Variants in NT5DC3 observed in about 807,000 individuals in gnomAD.
The protein encoded by NT5DC3 is 5'-nucleotidase domain-containing protein 3.
Under a neutral mutation model 67.8 loss-of-function variants are expected in NT5DC3, and 42 were observed. That is an observed-to-expected ratio of 0.62 (90% CI 0.48 to 0.80). The LOEUF is 0.80. Ranked by LOEUF, NT5DC3 falls within the 30% of genes least tolerant of loss-of-function variation. The pLI, the probability that NT5DC3 is intolerant of heterozygous loss-of-function variation, is 0.00. For missense variants in NT5DC3, 570 were observed against 696.4 expected (o/e 0.82, Z 2.04); for synonymous variants, 237 against 255.6 (o/e 0.93, Z 0.69).
At chr12:103,779,505 A>C (rs1357355121) in intron 13 of NT5DC3, among the ~76,000 whole-genome samples, 4 of 152,126 alleles carry the variant, frequency 2.6e-5, no homozygotes, top group Non-Finnish European at 5.9e-5. Context: ...GGACAAACTA[A>C]ATGCAATACA....
chr12:103,817,880 T>C (rs919240922), intron 1 of NT5DC3, among the ~76,000 whole-genome samples: 4 of 152,198 alleles, frequency 2.6e-5, no homozygotes, highest in Admixed American at 2.6e-4. Flanking sequence ...GAATGGCACA[T>C]AATATACTCA....
chr12:103,785,602 G>T, intron 11 of NT5DC3, 127 bp from the exon 12 acceptor site: 1 of 940,154 alleles, frequency 1.1e-6, no homozygotes, highest in Non-Finnish European at 1.7e-6. Flanking sequence ...TATTCACCAA[G>T]CTGAATTCAA....
chr12:103,792,772 A>G (rs1423128546), intron 9 of NT5DC3, among the ~76,000 whole-genome samples: 1 of 152,208 alleles, frequency 6.6e-6, no homozygotes, highest in East Asian at 1.9e-4. Context: ...TTTTAAACAC[A>G]CTAATGAGAG....
At chr12:103,836,447 T>G (rs572655390) in intron 1 of NT5DC3, among the ~76,000 whole-genome samples, 1 of 152,144 alleles carries the variant, frequency 6.6e-6, no homozygotes, top group Non-Finnish European at 1.5e-5. Context: ...ACAGGCCCCA[T>G]GCATGTCCAA....
chr12:103,806,833 A>G (rs1173566602), intron 3 of NT5DC3, 22 bp downstream of exon 3: 1 of 1,485,060 alleles, frequency 6.7e-7, no homozygotes, highest in Non-Finnish European at 9.4e-7. Context: ...AAACCATAGA[A>G]AAACAGGAGA....
Position 103,778,995 on chromosome 12 carries a change from G to A in NT5DC3, c.1395-914C>T, listed in dbSNP as rs1593379619. On this transcript the variant is annotated intron_variant, in intron 13 of 13. Coordinates refer to ENST00000392876, the MANE Select transcript of NT5DC3 (RefSeq NM_001031701.3). ...CTCCCGATGGTACACAGAGGAATAC[G>A]GAATGCTCTCAGGAGGCTCCACTTC... Among the ~76,000 whole-genome samples the A allele has an allele frequency of 2.6e-5, 4 of 152,086 alleles. No homozygotes were observed. The South Asian group carries it at 6.2e-4, about 24-fold the overall frequency.
intron 2 of NT5DC3, among the ~76,000 whole-genome samples, chr12:103,808,619 A>C (rs970331621): frequency 2.0e-5 from 3 of 152,234 alleles, no homozygotes; most frequent in African/African-American, 4.8e-5. Context: ...CATGTGTGCC[A>C]AGAAATCACC....
the NT5DC3 span, chr12:103,746,594 C>A: frequency 6.2e-7 from 1 of 1,613,866 alleles, no homozygotes; most frequent in African/African-American, 1.3e-5. Context: ...CCTTTCTTTG[C>A]AGTTTTGCCT....
chr12:103,752,246 A>AT, the NT5DC3 span, among the ~76,000 whole-genome samples: 1 of 152,182 alleles, frequency 6.6e-6, no homozygotes, highest in East Asian at 1.9e-4. Context: ...ACTCAAATTC[A>AT]TTGTAAGGTA....
chr12:103,821,802 T>C (rs1887502094), intron 1 of NT5DC3: 1 of 152,250 alleles, frequency 6.6e-6, no homozygotes, highest in Non-Finnish European at 1.5e-5. Flanking sequence ...GCATTCCCTA[T>C]GTATACTTTA....
chr12:103,840,285 C>T (rs1045450852), intron 1 of NT5DC3, among the ~76,000 whole-genome samples: 11 of 152,156 alleles, frequency 7.2e-5, no homozygotes, highest in Non-Finnish European at 1.2e-4. Context: ...ATGAAGTTCC[C>T]ATTCACAGCC....
the NT5DC3 span, chr12:103,755,705 C>A: frequency 6.2e-7 from 1 of 1,614,152 alleles, no homozygotes. Flanking sequence ...CCCTCACTCA[C>A]AAACTTCCTG....
chr12:103,817,883 T>C (rs1887330888), intron 1 of NT5DC3, among the ~76,000 whole-genome samples: 1 of 152,198 alleles, frequency 6.6e-6, no homozygotes, highest in African/African-American at 2.4e-5. Context: ...TGGCACATAA[T>C]ATACTCATTC....
chr12:103,810,392 T>G (rs989505897), intron 2 of NT5DC3, among the ~76,000 whole-genome samples: 1 of 152,244 alleles, frequency 6.6e-6, no homozygotes, highest in Non-Finnish European at 1.5e-5. Flanking sequence ...CAGCAGCCAG[T>G]TGGTTACAGT....
intron 2 of NT5DC3, among the ~76,000 whole-genome samples, chr12:103,807,601 G>T (rs1488849643): frequency 6.6e-6 from 1 of 152,204 alleles, no homozygotes; most frequent in Admixed American, 6.5e-5. Flanking sequence ...GGCCTAGGGA[G>T]GCCCTTCCTT....
At position 103,814,958 on chromosome 12, in the gene NT5DC3, G is replaced by A. The variant is rs749662788; in HGVS notation, c.372C>T (p.Asp124=). The A allele has an allele frequency of 1.2e-6, 2 of 1,610,894 alleles. No homozygotes were observed. The highest frequency in any genetic ancestry group is 2.2e-5 in the South Asian group (2 of 90,212). The change falls in exon 2 of 14, where the codon GAC becomes GAT. Residue 124 remains aspartate, a synonymous_variant. Coordinates refer to ENST00000392876, the MANE Select transcript of NT5DC3 (RefSeq NM_001031701.3). ...LHTLIFNAAR[D]LLINEHRYPA... ...TTACCCGGTGTTCATTGATGAGAAGGTCCCGTGCAGCATTAAATATCAGCG... is the reference window on the plus strand; with the variant it reads ...TTACCCGGTGTTCATTGATGAGAAGATCCCGTGCAGCATTAAATATCAGCG...
chr12:103,826,256 A>G (rs76281167), intron 1 of NT5DC3, among the ~76,000 whole-genome samples: 15,444 of 152,294 alleles, frequency 0.1, 1,127 homozygotes, highest in East Asian at 0.29. Flanking sequence ...CTCCAAAGAT[A>G]TCCACGTCCT....
intron 9 of NT5DC3, 113 bp from the exon 10 acceptor site, chr12:103,789,032 A>T (rs1486811914): frequency 2.7e-6 from 2 of 733,690 alleles, no homozygotes; most frequent in East Asian, 2.5e-5. Flanking sequence ...ACCTAAAAAA[A>T]ACCCGAAACC....
intron 9 of NT5DC3, among the ~76,000 whole-genome samples, chr12:103,790,694 CTTTTTTTTT>C (rs67812943): frequency 1.3e-5 from 1 of 74,408 alleles, no homozygotes. Context: ...CCAAGTACAT[CTTTTTTTTT>C]TTTTTTTTTT....
Sources: gnomAD v4.1 joint callset for allele counts (sites outside exome capture counted in the v4.1 genomes callset) on GRCh38, gnomAD v4.1.1 for gene constraint, MANE v1.5 for transcripts, NCBI Gene and HGNC (gene_info 2026-07-23, HGNC 2026-07-21) for gene names.